Variants in GAS7 observed in about 807,000 individuals in gnomAD.
GAS7 encodes growth arrest specific 7.
Under a neutral mutation model 71.1 loss-of-function variants are expected in GAS7, and 28 were observed. That is an observed-to-expected ratio of 0.39 (90% confidence interval 0.29 to 0.54). The LOEUF (loss-of-function observed/expected upper bound fraction) is 0.54. Among genes scored for constraint, GAS7 ranks in the 20% least tolerant of loss-of-function variants. GAS7 has a pLI of 0.62. For synonymous variants in GAS7, 258 were observed against 245.8 expected (o/e 1.05, Z -0.46); for missense variants, 436 against 627.8 (o/e 0.69, Z 3.27).
In GAS7 at chr17:10,147,729, A is replaced by G. The variant is rs552330014; in HGVS notation, c.183+50479T>C. 6.6e-5 allele frequency among the ~76,000 whole-genome samples: 10 copies of G among 152,336 alleles called. No individual in the cohort carries two copies. The East Asian group carries it at 1.5e-3, about 23-fold the overall frequency. ...AACACGGCATTTCTCTCTCATGCCA[A>G]AGATCCAAATATGATGTTTATCGAA... On this transcript the variant is annotated intron_variant, in intron 1 of 13. Coordinates refer to ENST00000432992, the MANE Select transcript of GAS7 (RefSeq NM_201433.2).
chr17:9,987,986 G>A (rs946389441), intron 2 of GAS7, among the ~76,000 whole-genome samples: 2 of 152,194 alleles, frequency 1.3e-5, no homozygotes, highest in Non-Finnish European at 2.9e-5. Context: ...GCTTGTGCCG[G>A]CTCTCTGCTG....
chr17:9,998,170 G>A (rs897668119), intron 2 of GAS7, among the ~76,000 whole-genome samples: 1 of 152,216 alleles, frequency 6.6e-6, no homozygotes, highest in Non-Finnish European at 1.5e-5. Context: ...GGGGATCCCA[G>A]ACACCCATCA....
chr17:10,150,981 G>A (rs549292531), intron 1 of GAS7, among the ~76,000 whole-genome samples: 1 of 152,260 alleles, frequency 6.6e-6, no homozygotes, highest in East Asian at 1.9e-4. Flanking sequence ...TTCCCCACCT[G>A]TAAAATGGGG....
rs148684853 is a variant in GAS7, at chr17:10,149,286, A to G, written c.183+48922T>C. On this transcript the variant is annotated intron_variant, in intron 1 of 13. Coordinates refer to ENST00000432992, the MANE Select transcript of GAS7 (RefSeq NM_201433.2). ...CCCAACTAATTTTTGTATTTTTAGT[A>G]GAGACAGGGTTTTGCCACATTAGCC... Among the ~76,000 whole-genome samples, 1,112 of 152,208 alleles carry G rather than the reference A, an allele frequency of 7.3e-3. 17 individuals are homozygous for G. The highest frequency in any genetic ancestry group is 0.026 in the African/African-American group (1,074 of 41,526).
At chr17:10,039,915 T>C in intron 1 of GAS7, 1 of 323,394 alleles carries the variant, frequency 3.1e-6, no homozygotes. Context: ...CATCCCACCT[T>C]CCTGGTCTTT....
rs1429282198 is a variant in GAS7 at position 9,915,017 on chromosome 17, C to T, written c.*2211G>A. 1.7e-5 allele frequency: 4 copies of T among 231,614 alleles called. No individual in the cohort carries two copies. Among genetic ancestry groups the T allele is most frequent in the Non-Finnish European group, 3.4e-5 (4 of 117,204 alleles). The allele number at this position is 231,614 out of a possible 1,614,324, so 14.3% of individuals were successfully genotyped here. A position where few individuals can be genotyped will look rare whatever the true frequency, so the allele number is the denominator to read the frequency against. On this transcript the variant is annotated 3_prime_UTR_variant, in exon 14 of 14. Coordinates refer to ENST00000432992, the MANE Select transcript of GAS7 (RefSeq NM_201433.2). Reference sequence around the variant, plus strand: ...CTCAGATTAGATCTTAGCACAATGGCTTTAACCTGCTTGATGAATGAATAA... The same window carrying T: ...CTCAGATTAGATCTTAGCACAATGGTTTTAACCTGCTTGATGAATGAATAA...
intron 1 of GAS7, among the ~76,000 whole-genome samples, chr17:10,121,653 G>A (rs1410989036): frequency 2.0e-5 from 3 of 152,102 alleles, no homozygotes; most frequent in African/African-American, 4.8e-5. Context: ...CTCCTGAATC[G>A]ACAGATCTGT....
At chr17:10,197,777 A>C (rs1193186746) in intron 1 of GAS7, among the ~76,000 whole-genome samples, 1 of 152,198 alleles carries the variant, frequency 6.6e-6, no homozygotes, top group African/African-American at 2.4e-5. Flanking sequence ...ATCAGGCTCT[A>C]GACTCCGGGG....
Position 9,947,363 on chromosome 17 carries a change from T to C in GAS7, c.526-380A>G, listed in dbSNP as rs181212426. On this transcript the variant is annotated intron_variant, in intron 5 of 13. Coordinates refer to ENST00000432992, the MANE Select transcript of GAS7 (RefSeq NM_201433.2). Reference sequence around the variant, plus strand: ...GTTAAAGGCTGGAAAACAACTCCAATGTCCATCAGTGGGGGAATGGTTAAA... The same window carrying C: ...GTTAAAGGCTGGAAAACAACTCCAACGTCCATCAGTGGGGGAATGGTTAAA... Among the ~76,000 whole-genome samples, 28 of 152,278 alleles carry C rather than the reference T, an allele frequency of 1.8e-4. No homozygotes were observed. In the East Asian group the frequency reaches 5.4e-3, roughly 29 times the overall value.
At position 10,044,406 on chromosome 17, in the gene GAS7, C is replaced by T. The variant is rs76109248; in HGVS notation, c.184-24509G>A. On this transcript the variant is annotated intron_variant, in intron 1 of 13. Coordinates refer to ENST00000432992, the MANE Select transcript of GAS7 (RefSeq NM_201433.2). ...AGTATATACTATGGCTAGTTTTATGCAGTTATGATTAATACTACATCTTTG... is the reference window on the plus strand; with the variant it reads ...AGTATATACTATGGCTAGTTTTATGTAGTTATGATTAATACTACATCTTTG... Among the ~76,000 whole-genome samples the T allele has an allele frequency of 5.3e-3, 800 of 152,230 alleles. 23 individuals carry two copies. The East Asian group carries it at 0.099, about 19-fold the overall frequency.
chr17:10,020,569 G>A (rs1214587071), intron 1 of GAS7, among the ~76,000 whole-genome samples: 3 of 151,894 alleles, frequency 2.0e-5, no homozygotes, highest in Admixed American at 6.6e-5. Flanking sequence ...AGAGAAAAAT[G>A]TATATGACAT....
At chr17:9,941,658 C>T (rs1302247980) in intron 7 of GAS7, among the ~76,000 whole-genome samples, 3 of 152,196 alleles carry the variant, frequency 2.0e-5, no homozygotes, top group South Asian at 2.1e-4. Flanking sequence ...GCTAACAAGA[C>T]GTTGTCATGG....
intron 1 of GAS7, among the ~76,000 whole-genome samples, chr17:10,089,164 A>C (rs533598373): frequency 6.6e-6 from 1 of 152,270 alleles, no homozygotes; most frequent in East Asian, 1.9e-4. Flanking sequence ...TGTCTCAAAA[A>C]AGAAAAAAAA....
chr17:10,106,780 G>GCC (rs3076189), intron 1 of GAS7, among the ~76,000 whole-genome samples: 23 of 151,634 alleles, frequency 1.5e-4, no homozygotes, highest in Non-Finnish European at 2.8e-4. Flanking sequence ...GCTTGAAAGT[G>GCC]CCCCCCCCCC....
At chr17:10,033,602 G>C (rs140682762) in intron 1 of GAS7, among the ~76,000 whole-genome samples, 3 of 152,330 alleles carry the variant, frequency 2.0e-5, no homozygotes, top group African/African-American at 7.2e-5. Context: ...AAGCACAAGC[G>C]ACACAGCTGC....
intron 5 of GAS7, 39 bp from the exon 6 acceptor site, chr17:9,947,022 G>A: frequency 7.1e-7 from 1 of 1,399,950 alleles, no homozygotes; most frequent in East Asian, 2.3e-5. Flanking sequence ...CCCCGCTGGA[G>A]ACTGGAATAG....
At chr17:10,197,405 C>CG (rs1328140838) in intron 1 of GAS7, among the ~76,000 whole-genome samples, 1 of 151,836 alleles carries the variant, frequency 6.6e-6, no homozygotes, top group Non-Finnish European at 1.5e-5. Flanking sequence ...GGAAGGTCAC[C>CG]CCCCCACACA....
At chr17:10,072,201 A>C (rs1238767369) in intron 1 of GAS7, among the ~76,000 whole-genome samples, 1 of 152,084 alleles carries the variant, frequency 6.6e-6, no homozygotes, top group East Asian at 1.9e-4. Flanking sequence ...ATTGGCCCTG[A>C]GGAAGCACCT....
rs2068023123 is a variant in GAS7 at position 9,926,902 on chromosome 17, G to A, written c.886-133C>T. 2 of 886,304 alleles carry A rather than the reference G, an allele frequency of 2.3e-6. No individual in the cohort carries two copies. The highest frequency in any genetic ancestry group is 1.9e-5 in the Admixed American group (1 of 52,064). 54.9% of individuals were successfully genotyped at this position (886,304 alleles called of 1,614,324 possible). ...TGAGTCTGGGGTAGCGACCTGGCAG[G>A]AAGGTGAGAGACACCCCCTGACACG... On this transcript the variant is annotated intron_variant, in intron 9 of 13. Transcript: ENST00000432992. The surrounding 1 kb of genome is among the most constrained non-coding windows in gnomAD (Gnocchi z 5.0).
Sources: gnomAD v4.1 joint callset for allele counts (sites outside exome capture counted in the v4.1 genomes callset) on GRCh38, gnomAD v4.1.1 for gene constraint, Gnocchi (gnomAD v3.1) non-coding constraint, MANE v1.5 for transcripts, NCBI Gene and HGNC (gene_info 2026-07-23, HGNC 2026-07-21) for gene names.